Variants in RANBP3 observed in about 807,000 individuals in gnomAD.
The protein encoded by RANBP3 is RAN binding protein 3.
In RANBP3, 14 loss-of-function variants were observed where a neutral mutation model predicts 77.3. The observed-to-expected ratio is 0.18, with a 90% CI of 0.12 to 0.28. The LOEUF (loss-of-function observed/expected upper bound fraction) is 0.28. Ranked by LOEUF, RANBP3 falls within the 10% of genes least tolerant of loss-of-function variation. RANBP3 has a pLI of 1.00. For synonymous variants in RANBP3, 315 were observed against 312.4 expected, an observed-to-expected ratio of 1.01 and a Z score of -0.09; for missense variants, 586 against 752.3, an observed-to-expected ratio of 0.78 and a Z score of 2.59.
At chr19:5,953,274 T>G (rs377394482) in intron 2 of RANBP3, among the ~76,000 whole-genome samples, 7 of 152,318 alleles carry the variant, frequency 4.6e-5, no homozygotes, top group East Asian at 3.9e-4. Context: ...TGGGCAGGAA[T>G]CGTAAGCTCT....
chr19:5,958,017 C>T lies in RANBP3; in HGVS notation c.23-44G>A. On this transcript the variant is annotated intron_variant, in intron 1 of 16. Coordinates refer to ENST00000340578, the MANE Select transcript of RANBP3 (RefSeq NM_007322.3). This position sits in a 1 kb window ranked among gnomAD's most constrained non-coding sequence, Gnocchi z 4.4. ...GTTTTTTTCCCCCCAACACTATATG[C>T]ATACAGTAAACAAAGCTACACTTGT... 1 of 1,549,620 alleles carries T rather than the reference C, an allele frequency of 6.5e-7. No homozygotes were observed. Among genetic ancestry groups the T allele is most frequent in the Non-Finnish European group, 8.9e-7 (1 of 1,122,196 alleles).
rs143917453 is a variant in RANBP3 at position 5,975,985 on chromosome 19, T to A, written c.22+2076A>T. On this transcript the variant is annotated intron_variant, in intron 1 of 16. Transcript: ENST00000340578. ...TGGGGCCCACTATGGGCTGAGAAGTTCTCAGATGGGTAAGGGTGGAGGGAA... is the reference window on the plus strand; with the variant it reads ...TGGGGCCCACTATGGGCTGAGAAGTACTCAGATGGGTAAGGGTGGAGGGAA... Among the ~76,000 whole-genome samples, 683 of 152,016 alleles carry A rather than the reference T, an allele frequency of 4.5e-3. 3 individuals are homozygous for A. Among genetic ancestry groups the A allele is most frequent in the African/African-American group, 0.016 (655 of 41,430 alleles).
intron 3 of RANBP3, among the ~76,000 whole-genome samples, chr19:5,946,630 C>T (rs866090687): frequency 2.6e-4 from 40 of 152,264 alleles, no homozygotes; most frequent in African/African-American, 7.5e-4. Flanking sequence ...AATCCTAACC[C>T]GCTGGCCACG....
chr19:5,940,135 C>G (rs1171412877), intron 5 of RANBP3, among the ~76,000 whole-genome samples: 1 of 152,196 alleles, frequency 6.6e-6, no homozygotes, highest in African/African-American at 2.4e-5. Context: ...CTCCAGTTAC[C>G]CTGGAGAGCT....
In RANBP3 at chr19:5,925,652, A is replaced by T; in HGVS notation, c.899T>A (p.Leu300His). 6.2e-7 allele frequency: 1 copy of T among 1,613,226 alleles called. No homozygotes were observed. Among genetic ancestry groups the T allele is most frequent in the South Asian group, 1.1e-5 (1 of 91,054 alleles). ...ADTPTATNYF[L>H]QYISSSLENS... is the part of the protein sequence containing the mutation. Reference sequence around the variant, plus strand: ...CACACACCTGGAACTGATATACTGGAGGAAATAGTTCGTTGCGGTTGGCGT... The same window carrying T: ...CACACACCTGGAACTGATATACTGGTGGAAATAGTTCGTTGCGGTTGGCGT... Residue 300 changes from leucine to histidine, a missense_variant, in exon 10 of 17, where the codon CTC (leucine) becomes CAC (histidine). Physicochemically the swap from Leu to His is moderately conservative, Grantham distance 99. Transcript: ENST00000340578.
intron 1 of RANBP3, among the ~76,000 whole-genome samples, chr19:5,975,170 G>A (rs950547266): frequency 7.9e-5 from 12 of 152,172 alleles, no homozygotes; most frequent in Admixed American, 2.6e-4. Flanking sequence ...GAAATGGAGT[G>A]TTCAAGAAAC....
chr19:5,933,517 C>G (rs377698262), intron 5 of RANBP3, 38 bp from the exon 6 acceptor site: 59 of 1,596,920 alleles, frequency 3.7e-5, no homozygotes, highest in Admixed American at 5.0e-5. Flanking sequence ...GCAGGCCTGC[C>G]TGGGCTGGGG....
At chr19:5,965,128 T>C (rs2058451466) in intron 1 of RANBP3, among the ~76,000 whole-genome samples, 1 of 151,366 alleles carries the variant, frequency 6.6e-6, no homozygotes, top group Admixed American at 6.6e-5. Context: ...AGTAGGTCTC[T>C]GAGGAGGTGG....
chr19:5,933,352 C>T (rs557288292), intron 6 of RANBP3, 62 bp downstream of exon 6: 3 of 1,415,196 alleles, frequency 2.1e-6, no homozygotes, highest in African/African-American at 2.9e-5. Flanking sequence ...CTGGTGTGGC[C>T]TAGCAGAGGT....
intron 3 of RANBP3, among the ~76,000 whole-genome samples, chr19:5,946,299 C>T (rs1231848653): frequency 1.3e-5 from 2 of 152,194 alleles, no homozygotes; most frequent in Non-Finnish European, 2.9e-5. Context: ...TGAGGACTTG[C>T]TGCGTGGGTG....
intron 1 of RANBP3, among the ~76,000 whole-genome samples, chr19:5,970,072 G>C (rs1568483102): frequency 6.6e-6 from 1 of 152,190 alleles, no homozygotes; most frequent in Non-Finnish European, 1.5e-5. Context: ...TCATGTTTGT[G>C]GGGGTGTGGA....
intron 9 of RANBP3, 159 bp from the exon 10 acceptor site, chr19:5,925,896 C>A: frequency 1.6e-6 from 1 of 615,194 alleles, no homozygotes. Flanking sequence ...TGCTGGGGGG[C>A]AGGGCTATAA....
Position 5,924,932 on chromosome 19 carries a change from G to A in RANBP3, c.918-27C>T. 6.3e-7 allele frequency: 1 copy of A among 1,599,872 alleles called. No individual in the cohort carries two copies. Among genetic ancestry groups the A allele is most frequent in the Admixed American group, 1.7e-5 (1 of 60,012 alleles). Reference sequence around the variant, plus strand: ...TGAAGAGAAGATGTGCAATGAGTGTGGGGCGTCACGTGGGAACGTGGCCAG... The same window carrying A: ...TGAAGAGAAGATGTGCAATGAGTGTAGGGCGTCACGTGGGAACGTGGCCAG... On this transcript the variant is annotated intron_variant, in intron 10 of 16. Transcript: ENST00000340578. This position sits in a 1 kb window ranked among gnomAD's most constrained non-coding sequence, Gnocchi z 4.7.
At chr19:5,948,393 C>T (rs1232394866) in intron 3 of RANBP3, among the ~76,000 whole-genome samples, 1 of 150,890 alleles carries the variant, frequency 6.6e-6, no homozygotes, top group Non-Finnish European at 1.5e-5. Flanking sequence ...GCGGAGCTTG[C>T]AGTGAGCAGA....
chr19:5,939,728 GCATT>G (rs1221625217), intron 5 of RANBP3, among the ~76,000 whole-genome samples: 2 of 150,330 alleles, frequency 1.3e-5, no homozygotes, highest in Admixed American at 1.3e-4. Context: ...CGCAAACAGG[GCATT>G]CAGTCTTTCC....
In RANBP3 at chr19:5,958,235, A is replaced by G. The variant is rs1414637440; in HGVS notation, c.23-262T>C. Among the ~76,000 whole-genome samples the G allele has an allele frequency of 1.3e-5, 2 of 152,218 alleles. No homozygotes were observed. Among genetic ancestry groups the G allele is most frequent in the East Asian group, 3.9e-4 (2 of 5,194 alleles). On this transcript the variant is annotated intron_variant, in intron 1 of 16. Transcript: ENST00000340578. The surrounding 1 kb of genome is among the most constrained non-coding windows in gnomAD (Gnocchi z 4.4). ...AATAAGGAGTTTTCAAGACTCACTG[A>G]GAGCGGGCGTGTAAATGGGAGTGGG...
At chr19:5,931,893 G>T (rs2057997357) in intron 7 of RANBP3, among the ~76,000 whole-genome samples, 1 of 151,930 alleles carries the variant, frequency 6.6e-6, no homozygotes, top group Admixed American at 6.6e-5. Context: ...AAACTGGCTG[G>T]GTGTGGTGGT....
chr19:5,933,743 C>T, intron 5 of RANBP3: 3 of 404,846 alleles, frequency 7.4e-6, no homozygotes, highest in Non-Finnish European at 4.5e-6. Context: ...GTCAGCCGCC[C>T]TCCCAGCTGT....
intron 8 of RANBP3, among the ~76,000 whole-genome samples, chr19:5,929,204 T>C (rs1272352201): frequency 6.6e-6 from 1 of 152,246 alleles, no homozygotes; most frequent in Non-Finnish European, 1.5e-5. Context: ...GAAATTCTGC[T>C]ACTGCTGACT....
Sources: allele counts gnomAD v4.1 joint callset (sites outside exome capture counted in the v4.1 genomes callset), GRCh38; gene constraint gnomAD v4.1.1; non-coding constraint Gnocchi (gnomAD v3.1); transcripts MANE v1.5; gene names NCBI Gene and HGNC (gene_info 2026-07-23, HGNC 2026-07-21).